The following GANC variants were observed in gnomAD, a reference collection of about 807,000 sequenced individuals.
GANC encodes the protein glucosidase alpha, neutral C.
In GANC, 117 loss-of-function variants were observed where a neutral mutation model predicts 124.2. That is an observed-to-expected ratio of 0.94 (90% CI 0.81 to 1.10). The LOEUF is 1.10. Ranked by LOEUF, GANC falls within the 50% of genes least tolerant of loss-of-function variation. GANC has a pLI of 0.00. For missense variants in GANC, 1,140 were observed against 1,095.0 expected (o/e 1.04, Z -0.58); for synonymous variants, 377 against 376.8 (o/e 1.00, Z -0.01).
chr15:42,348,397 C>G (rs937156118), intron 21 of GANC, among the ~76,000 whole-genome samples, 181 bp downstream of exon 21: 1 of 152,138 alleles, frequency 6.6e-6, no homozygotes, highest in Non-Finnish European at 1.5e-5. Flanking sequence ...CTTAAGGGAA[C>G]CTTTGAGATC....
intron 10 of GANC, among the ~76,000 whole-genome samples, chr15:42,313,076 G>A (rs1215862277): frequency 2.6e-5 from 4 of 152,208 alleles, no homozygotes; most frequent in African/African-American, 7.2e-5. Context: ...ACAAGCCACA[G>A]TGCTTTGTCC....
chr15:42,348,597 A>G lies in GANC; in HGVS notation c.2418+381A>G, dbSNP rs545653484. On this transcript the variant is annotated intron_variant, in intron 21 of 23. Coordinates refer to ENST00000318010, the MANE Select transcript of GANC (RefSeq NM_198141.3). ...CATTTCAGAGATCCCAGTCCCAACC[A>G]GTGATTTCTTATCAGGTAGCTCCAA... Among the ~76,000 whole-genome samples the G allele has an allele frequency of 3.9e-5, 6 of 152,316 alleles. No homozygotes were observed. The South Asian group carries it at 6.2e-4, about 16-fold the overall frequency.
intron 15 of GANC, among the ~76,000 whole-genome samples, chr15:42,333,984 T>A (rs943844304): frequency 2.0e-5 from 3 of 152,078 alleles, no homozygotes; most frequent in African/African-American, 4.8e-5. Context: ...CCAAGGCAAT[T>A]TAATGGAGAA....
intron 3 of GANC, chr15:42,284,046 A>G (rs879520401): frequency 2.9e-5 from 20 of 699,768 alleles, no homozygotes; most frequent in Non-Finnish European, 4.7e-5. Context: ...TCTTGATCAC[A>G]GCTGGTAGAG....
At position 42,274,388 on chromosome 15, in the gene GANC, G is replaced by C; in HGVS notation, c.-94G>C. On this transcript the variant is annotated 5_prime_UTR_variant, in exon 1 of 24. Transcript: ENST00000318010. ...GAAACTTGACGATGAAGTACTGGTT[G>C]TAATTTTAGAAAGACACCCAATCGG... 1 of 1,329,482 alleles carries C rather than the reference G, an allele frequency of 7.5e-7. No homozygotes were observed. The highest frequency in any genetic ancestry group is 1.1e-6 in the Non-Finnish European group (1 of 948,306). 82.4% of individuals were successfully genotyped at this position (1,329,482 alleles called of 1,614,324 possible). A position where few individuals can be genotyped will look rare whatever the true frequency, so the allele number is the denominator to read the frequency against.
chr15:42,313,964 C>CAACAACAACAAG, intron 10 of GANC: 3 of 652,042 alleles, frequency 4.6e-6, no homozygotes, highest in Non-Finnish European at 8.2e-6. Context: ...AAAACAACAG[C>CAACAACAACAAG]AACAACAACA....
chr15:42,297,727 C>A (rs2051905083), intron 6 of GANC, 71 bp downstream of exon 6: 2 of 1,104,116 alleles, frequency 1.8e-6, no homozygotes, highest in Non-Finnish European at 1.3e-6. Flanking sequence ...ATAAGGAATT[C>A]TCTTTCTTCC....
At chr15:42,325,562 CT>C (rs1230119248) in intron 11 of GANC, among the ~76,000 whole-genome samples, 1 of 152,134 alleles carries the variant, frequency 6.6e-6, no homozygotes, top group East Asian at 1.9e-4. Flanking sequence ...CTCTTAGTTT[CT>C]TTAATGTTTG....
Position 42,310,802 on chromosome 15 carries a change from G to A in GANC, c.1013G>A (p.Gly338Glu). The change falls in exon 10 of 24, where the codon GGA (glycine) becomes GAA (glutamate). Residue 338 changes from glycine (G) to glutamate (E), a missense_variant. Gly to Glu is a moderately conservative substitution (Grantham distance 98). Coordinates refer to ENST00000318010, the MANE Select transcript of GANC (RefSeq NM_198141.3). ...SGIIDVFLLT[G>E]PTPSDVFKQY... ...ATCATTGATGTTTTTCTGCTGACAG[G>A]ACCTACACCTTCTGATGTCTTCAAA... 6.2e-7 allele frequency: 1 copy of A among 1,614,132 alleles called. No individual in the cohort carries two copies. Among genetic ancestry groups the A allele is most frequent in the Non-Finnish European group, 8.5e-7 (1 of 1,179,974 alleles).
intron 3 of GANC, among the ~76,000 whole-genome samples, chr15:42,282,045 G>T (rs987124579): frequency 6.6e-6 from 1 of 151,808 alleles, no homozygotes; most frequent in Non-Finnish European, 1.5e-5. Flanking sequence ...AAATAAGGCC[G>T]AGTGCGGTGG....
chr15:42,327,408 G>A lies in GANC; in HGVS notation c.1466G>A (p.Trp489Ter). 1 of 1,613,378 alleles carries A rather than the reference G, an allele frequency of 6.2e-7. No homozygotes were observed. The highest frequency in any genetic ancestry group is 8.5e-7 in the Non-Finnish European group (1 of 1,179,592). Reference protein sequence around the residue: ...LDFTNPKVREWYSSLFAFPVY... With the variant: ...LDFTNPKVRE Reference sequence around the variant, plus strand: ...TTCACCAATCCCAAGGTCAGAGAGTGGTATTCAAGTCTTTTTGCTTTCCCT... The same window carrying A: ...TTCACCAATCCCAAGGTCAGAGAGTAGTATTCAAGTCTTTTTGCTTTCCCT... Residue 489 changes from tryptophan (W) to a stop codon, truncating the protein, a stop_gained, in exon 13 of 24, where the codon TGG (tryptophan) becomes TAG (stop). Coordinates refer to ENST00000318010, the MANE Select transcript of GANC (RefSeq NM_198141.3). LOFTEE classifies it high-confidence loss of function.
chr15:42,319,583 C>T (rs1236194588), intron 10 of GANC, among the ~76,000 whole-genome samples: 1 of 151,898 alleles, frequency 6.6e-6, no homozygotes, highest in African/African-American at 2.4e-5. Context: ...TAGTCTTAAA[C>T]CCCTGGTCTC....
chr15:42,315,967 T>G (rs1438545644), intron 10 of GANC, among the ~76,000 whole-genome samples: 5 of 152,102 alleles, frequency 3.3e-5, no homozygotes, highest in Non-Finnish European at 7.3e-5. Flanking sequence ...AATAAATAAG[T>G]ATTTGTATCT....
chr15:42,345,977 A>G (rs2052360074), intron 20 of GANC, 145 bp downstream of exon 20: 6 of 620,896 alleles, frequency 9.7e-6, no homozygotes, highest in Non-Finnish European at 1.7e-5. Context: ...TTCCAGATCA[A>G]GGTGCCAGCC....
intron 6 of GANC, among the ~76,000 whole-genome samples, chr15:42,305,933 G>T (rs1343541564): frequency 6.6e-6 from 1 of 151,948 alleles, no homozygotes; most frequent in African/African-American, 2.4e-5. Flanking sequence ...TCACACACCG[G>T]GGTCTGTTGG....
At chr15:42,338,936 C>T (rs1340865980) in intron 16 of GANC, among the ~76,000 whole-genome samples, 1 of 152,122 alleles carries the variant, frequency 6.6e-6, no homozygotes, top group African/African-American at 2.4e-5. Flanking sequence ...AACATATGCT[C>T]TTGAGAAAGA....
intron 10 of GANC, among the ~76,000 whole-genome samples, chr15:42,316,811 C>G (rs1016196585): frequency 1.3e-5 from 2 of 152,190 alleles, no homozygotes; most frequent in African/African-American, 4.8e-5. Context: ...CTGGTGTTAC[C>G]GCTTGACCAA....
chr15:42,317,928 C>T (rs1433125969), intron 10 of GANC, among the ~76,000 whole-genome samples: 2 of 152,206 alleles, frequency 1.3e-5, no homozygotes, highest in Admixed American at 6.5e-5. Flanking sequence ...TTGTTGACTC[C>T]TGCTGAGGGT....
intron 10 of GANC, among the ~76,000 whole-genome samples, chr15:42,321,433 G>C (rs1197271208): frequency 6.6e-6 from 1 of 152,048 alleles, no homozygotes; most frequent in Admixed American, 6.5e-5. Context: ...CTTCCTGTCT[G>C]GTATATTCCC....
Sources: allele counts gnomAD v4.1 joint callset (sites outside exome capture counted in the v4.1 genomes callset), GRCh38; gene constraint gnomAD v4.1.1; transcripts MANE v1.5; gene names NCBI Gene and HGNC (gene_info 2026-07-23, HGNC 2026-07-21).